FRMD3: variants seen among roughly 807,000 people sequenced by gnomAD.
FRMD3 encodes FERM domain containing 3.
In FRMD3, 33 loss-of-function variants were observed where a neutral mutation model predicts 70.2. The ratio of observed to expected loss-of-function variants is 0.47; its 90% CI spans 0.36 to 0.63. The LOEUF (loss-of-function observed/expected upper bound fraction) is 0.63. Ranked by LOEUF, FRMD3 falls within the 20% of genes least tolerant of loss-of-function variation. The probability of loss-of-function intolerance (pLI) is 0.00; values close to 1 mark genes in which losing one functional copy is unlikely to be tolerated. For missense variants in FRMD3, 632 were observed against 711.4 expected, an observed-to-expected ratio of 0.89 and a Z score of 1.27; for synonymous variants, 279 against 255.9, an observed-to-expected ratio of 1.09 and a Z score of -0.86.
chr9:83,529,206 A>G (rs1829744751), intron 1 of FRMD3, among the ~76,000 whole-genome samples: 1 of 152,250 alleles, frequency 6.6e-6, no homozygotes, highest in Non-Finnish European at 1.5e-5. Context: ...CATCAGAGTG[A>G]CAAGACAATT....
chr9:83,267,002 C>T (rs1833291159), intron 13 of FRMD3: 1 of 1,550,248 alleles, frequency 6.5e-7, no homozygotes, highest in Admixed American at 2.0e-5. Context: ...GCCCAGGGCA[C>T]CACACATACC....
Position 83,246,077 on chromosome 9 carries a change from A to C in FRMD3, c.*1841T>G, listed in dbSNP as rs1832079254. 1 of 985,432 alleles carries C rather than the reference A, an allele frequency of 1.0e-6. No homozygotes were observed. The highest frequency in any genetic ancestry group is 4.7e-5 in the South Asian group (1 of 21,282). 61.0% of individuals were successfully genotyped at this position (985,432 alleles called of 1,614,324 possible). A position where few individuals can be genotyped will look rare whatever the true frequency, so the allele number is the denominator to read the frequency against. On this transcript the variant is annotated 3_prime_UTR_variant, in exon 14 of 14. Coordinates refer to ENST00000304195, the MANE Select transcript of FRMD3 (RefSeq NM_174938.6). Reference sequence around the variant, plus strand: ...CTTCACGAACTGAGTTTCAAAACTCATTTCCAAAATTAAATGTCCAGTGAA... The same window carrying C: ...CTTCACGAACTGAGTTTCAAAACTCCTTTCCAAAATTAAATGTCCAGTGAA...
rs370999406 is a variant in FRMD3 at position 83,316,181 on chromosome 9, CAG to C, written c.597-2436_597-2435del. Among the ~76,000 whole-genome samples the C allele has an allele frequency of 1.4e-3, 160 of 112,512 alleles. 1 individual carries two copies. Among genetic ancestry groups the C allele is most frequent in the African/African-American group, 5.2e-3 (143 of 27,600 alleles). 73.8% of individuals were successfully genotyped at this position (112,512 alleles called of 152,430 possible). A position where few individuals can be genotyped will look rare whatever the true frequency, so the allele number is the denominator to read the frequency against. ...TTTTTCTTTTTTTTTTTTTTTGAGA[CAG>C]AGTCTCACTCTATTGCCCAGGTTGG... On this transcript the variant is annotated intron_variant, in intron 6 of 13. Coordinates refer to ENST00000304195, the MANE Select transcript of FRMD3 (RefSeq NM_174938.6).
intron 1 of FRMD3, among the ~76,000 whole-genome samples, chr9:83,494,059 G>A (rs915903134): frequency 2.6e-5 from 4 of 152,176 alleles, no homozygotes; most frequent in Non-Finnish European, 5.9e-5. Flanking sequence ...AAACCAAATA[G>A]CCACTATCCT....
At chr9:83,415,211 T>C (rs1348787049) in intron 1 of FRMD3, among the ~76,000 whole-genome samples, 1 of 152,182 alleles carries the variant, frequency 6.6e-6, no homozygotes, top group Non-Finnish European at 1.5e-5. Context: ...GGGCTTCCAT[T>C]GTTGAACCCG....
chr9:83,543,575 C>A, the FRMD3 span, among the ~76,000 whole-genome samples: 1 of 152,176 alleles, frequency 6.6e-6, no homozygotes, highest in Non-Finnish European at 1.5e-5. Flanking sequence ...TCCACATCAC[C>A]AAATCCCCTG....
chr9:83,256,653 TAAAC>T (rs1832721857), intron 13 of FRMD3, among the ~76,000 whole-genome samples: 3 of 149,684 alleles, frequency 2.0e-5, no homozygotes, highest in Admixed American at 2.0e-4. Context: ...ACAAGGAACT[TAAAC>T]AAATTTATCA....
intron 1 of FRMD3, among the ~76,000 whole-genome samples, chr9:83,445,053 A>G (rs943080382): frequency 1.3e-5 from 2 of 152,168 alleles, no homozygotes; most frequent in African/African-American, 4.8e-5. Context: ...CTATTAGCCA[A>G]CTCAAATCCT....
At chr9:83,453,916 C>T (rs929827946) in intron 1 of FRMD3, among the ~76,000 whole-genome samples, 2 of 151,966 alleles carry the variant, frequency 1.3e-5, no homozygotes, top group South Asian at 2.1e-4. Flanking sequence ...GGGGTTTTGC[C>T]GTGTTAGCCA....
At chr9:83,466,566 C>T (rs758551262) in intron 1 of FRMD3, among the ~76,000 whole-genome samples, 8 of 152,084 alleles carry the variant, frequency 5.3e-5, no homozygotes, top group Admixed American at 1.3e-4. Context: ...GCCTAACAGA[C>T]GCTGCATTCC....
chr9:83,309,441 G>A (rs1256759447), intron 10 of FRMD3, 95 bp downstream of exon 10: 3 of 697,030 alleles, frequency 4.3e-6, no homozygotes, highest in African/African-American at 1.8e-5. Flanking sequence ...TTTTAAAACT[G>A]TATTAAAAGA....
intron 13 of FRMD3, among the ~76,000 whole-genome samples, chr9:83,249,767 C>G (rs1344698380): frequency 6.6e-6 from 1 of 152,164 alleles, no homozygotes; most frequent in Non-Finnish European, 1.5e-5. Flanking sequence ...TATGCCTACT[C>G]AGATGGCAAC....
intron 5 of FRMD3, among the ~76,000 whole-genome samples, chr9:83,335,988 C>T (rs1823564625): frequency 6.6e-6 from 1 of 152,158 alleles, no homozygotes; most frequent in African/African-American, 2.4e-5. Flanking sequence ...TTTAGTAGCT[C>T]TACCCTTCAG....
upstream of FRMD3, among the ~76,000 whole-genome samples, chr9:83,543,253 C>G (rs1483149539): frequency 6.6e-6 from 1 of 151,378 alleles, no homozygotes; most frequent in African/African-American, 2.4e-5. Context: ...AGCTAGGGCA[C>G]AGAAAAAAGG....
intron 6 of FRMD3, among the ~76,000 whole-genome samples, chr9:83,332,988 A>C (rs183950468): frequency 1.3e-5 from 2 of 152,282 alleles, no homozygotes; most frequent in East Asian, 1.9e-4. Context: ...AAGACAGATA[A>C]CACTTTCTTG....
chr9:83,554,400 G>A, the FRMD3 span, among the ~76,000 whole-genome samples: 2 of 152,228 alleles, frequency 1.3e-5, no homozygotes, highest in East Asian at 3.9e-4. Flanking sequence ...CAGAGGAAGA[G>A]ATCTTAGTAG....
intron 3 of FRMD3, among the ~76,000 whole-genome samples, chr9:83,352,038 A>G (rs1474512211): frequency 6.6e-6 from 1 of 152,156 alleles, no homozygotes; most frequent in East Asian, 1.9e-4. Flanking sequence ...ATCTCACTTA[A>G]TGTCTATAGT....
chr9:83,335,487 A>G (rs778723019), intron 6 of FRMD3, 29 bp downstream of exon 6: 6 of 1,584,864 alleles, frequency 3.8e-6, no homozygotes, highest in Non-Finnish European at 5.2e-6. Flanking sequence ...CCCCTTTATC[A>G]TTTTCACAAA....
chr9:83,518,146 A>C (rs1191555360), intron 1 of FRMD3, among the ~76,000 whole-genome samples: 1 of 152,254 alleles, frequency 6.6e-6, no homozygotes, highest in Non-Finnish European at 1.5e-5. Context: ...CAGGGCAATC[A>C]GGCAAGAGAA....
Sources: allele counts gnomAD v4.1 joint callset (sites outside exome capture counted in the v4.1 genomes callset), GRCh38; gene constraint gnomAD v4.1.1; transcripts MANE v1.5; gene names NCBI Gene and HGNC (gene_info 2026-07-23, HGNC 2026-07-21).